Variants in AFF1 observed in about 807,000 individuals in gnomAD.
AFF1 encodes the protein ALF transcription elongation factor 1.
Under a neutral mutation model 121.7 loss-of-function variants are expected in AFF1, and 48 were observed. That is an observed-to-expected ratio of 0.39 (90% confidence interval 0.31 to 0.50). AFF1 has a LOEUF of 0.50. Ranked by LOEUF, AFF1 falls within the 20% of genes least tolerant of loss-of-function variation. The probability of loss-of-function intolerance (pLI) is 0.76; values close to 1 mark genes in which losing one functional copy is unlikely to be tolerated. For synonymous variants in AFF1, 613 were observed against 563.0 expected, an observed-to-expected ratio of 1.09 and a Z score of -1.26; for missense variants, 1,523 against 1,511.7, an observed-to-expected ratio of 1.01 and a Z score of -0.12.
chr4:86,993,168 ACC>A (rs1481982381), intron 2 of AFF1, among the ~76,000 whole-genome samples: 1 of 152,190 alleles, frequency 6.6e-6, no homozygotes, highest in Non-Finnish European at 1.5e-5. Context: ...TAAAATCCAT[ACC>A]TCCAATTAGG....
At chr4:86,952,744 AG>A (rs1721447308) in intron 2 of AFF1, among the ~76,000 whole-genome samples, 1 of 143,194 alleles carries the variant, frequency 7.0e-6, no homozygotes, top group Non-Finnish European at 1.5e-5. Context: ...GCTGGAGTGC[AG>A]TGGCGTGATC....
chr4:87,051,347 G>A (rs1042172949), intron 4 of AFF1, among the ~76,000 whole-genome samples: 3 of 151,628 alleles, frequency 2.0e-5, no homozygotes, highest in African/African-American at 7.3e-5. Context: ...GATACAGTGA[G>A]TTTCATTTCC....
chr4:87,027,394 G>C (rs1320032192), intron 2 of AFF1, among the ~76,000 whole-genome samples: 1 of 152,232 alleles, frequency 6.6e-6, no homozygotes, highest in Non-Finnish European at 1.5e-5. Context: ...GAAATCATGT[G>C]TCTCACAAGT....
chr4:87,014,139 A>T (rs1344171674), intron 2 of AFF1, among the ~76,000 whole-genome samples: 1 of 152,096 alleles, frequency 6.6e-6, no homozygotes, highest in African/African-American at 2.4e-5. Flanking sequence ...AAAAAAAATT[A>T]AAAGATACCA....
At chr4:87,084,416 G>A (rs941108038) in intron 5 of AFF1, among the ~76,000 whole-genome samples, 1 of 151,956 alleles carries the variant, frequency 6.6e-6, no homozygotes, top group Non-Finnish European at 1.5e-5. Flanking sequence ...GGTGGCACAT[G>A]CCTGTAGTCC....
intron 2 of AFF1, among the ~76,000 whole-genome samples, chr4:87,022,153 C>T (rs1184664890): frequency 3.4e-5 from 5 of 145,016 alleles, no homozygotes; most frequent in African/African-American, 7.8e-5. Context: ...TTCGGTGAGC[C>T]GAGATCGTGC....
chr4:86,991,934 CGA>C (rs1724763793), intron 2 of AFF1, among the ~76,000 whole-genome samples: 1 of 149,700 alleles, frequency 6.7e-6, no homozygotes, highest in African/African-American at 2.5e-5. Context: ...AGACACTTCT[CGA>C]GAAAACCAAA....
intron 5 of AFF1, 146 bp from the exon 6 acceptor site, chr4:87,089,835 AGTT>A: frequency 1.6e-6 from 1 of 607,202 alleles, no homozygotes; most frequent in South Asian, 2.3e-5. Context: ...CTGAAATAGG[AGTT>A]GTTTTTTTTA....
chr4:87,047,915 C>A, intron 4 of AFF1: 1 of 331,726 alleles, frequency 3.0e-6, no homozygotes, highest in Non-Finnish European at 5.7e-6. Context: ...GGATCCAAAA[C>A]CCAATCAAGA....
chr4:87,021,503 G>GA (rs1422148484), intron 2 of AFF1, among the ~76,000 whole-genome samples: 1 of 152,240 alleles, frequency 6.6e-6, no homozygotes, highest in African/African-American at 2.4e-5. Flanking sequence ...GCTTTAGGCA[G>GA]AAGCAGTGTT....
chr4:87,006,414 T>C (rs1374771222), intron 2 of AFF1, among the ~76,000 whole-genome samples: 2 of 152,220 alleles, frequency 1.3e-5, no homozygotes, highest in Non-Finnish European at 1.5e-5. Flanking sequence ...ATGCTCAAGT[T>C]TTTTGTTTGC....
At chr4:86,984,786 AAGT>A (rs1460640895) in intron 2 of AFF1, among the ~76,000 whole-genome samples, 1 of 152,020 alleles carries the variant, frequency 6.6e-6, no homozygotes, top group Non-Finnish European at 1.5e-5. Context: ...AAATTTTAAA[AAGT>A]AGCTGGGCAT....
At chr4:86,945,497 AT>A (rs34305215) in intron 1 of AFF1, among the ~76,000 whole-genome samples, 15 of 86,630 alleles carry the variant, frequency 1.7e-4, no homozygotes, top group African/African-American at 5.2e-4. Flanking sequence ...GCCTTTCCCA[AT>A]TTTTTTTTTT....
intron 4 of AFF1, among the ~76,000 whole-genome samples, chr4:87,066,261 C>G (rs1192712917): frequency 6.6e-6 from 1 of 151,974 alleles, no homozygotes; most frequent in Non-Finnish European, 1.5e-5. Flanking sequence ...TTAAGTAAGC[C>G]CTGATGTTTG....
chr4:87,097,125 G>A (rs1724956199), intron 8 of AFF1, among the ~76,000 whole-genome samples: 1 of 152,212 alleles, frequency 6.6e-6, no homozygotes, highest in African/African-American at 2.4e-5. Context: ...TGGTTGTCAA[G>A]CCCTGTAGAC....
chr4:87,010,587 C>T (rs1292288724), intron 2 of AFF1, among the ~76,000 whole-genome samples: 1 of 152,152 alleles, frequency 6.6e-6, no homozygotes, highest in Non-Finnish European at 1.5e-5. Context: ...AAACTAGCAA[C>T]TAGTAAACCT....
At chr4:87,072,775 C>T (rs1191299386) in intron 4 of AFF1, among the ~76,000 whole-genome samples, 1 of 152,152 alleles carries the variant, frequency 6.6e-6, no homozygotes, top group Admixed American at 6.6e-5. Context: ...AAGTGATCTG[C>T]CTGCCCTCGG....
chr4:87,003,089 C>G (rs1560531447), intron 2 of AFF1, among the ~76,000 whole-genome samples: 1 of 152,022 alleles, frequency 6.6e-6, no homozygotes, highest in Non-Finnish European at 1.5e-5. Flanking sequence ...TTCTCCTGTA[C>G]TTAGTAATTT....
chr4:86,943,081 G>A (rs1316947498), intron 1 of AFF1, among the ~76,000 whole-genome samples: 1 of 152,224 alleles, frequency 6.6e-6, no homozygotes, highest in African/African-American at 2.4e-5. Context: ...CTCTGAGAAT[G>A]TCATTGGAGC....
Sources: gnomAD v4.1 joint callset for allele counts (sites outside exome capture counted in the v4.1 genomes callset) on GRCh38, gnomAD v4.1.1 for gene constraint, MANE v1.5 for transcripts, NCBI Gene and HGNC (gene_info 2026-07-23, HGNC 2026-07-21) for gene names.